The following ARHGEF3 variants were observed in gnomAD, a reference collection of about 807,000 sequenced individuals.
ARHGEF3 encodes 59.8 kDA protein.
In ARHGEF3, 28 loss-of-function variants were observed where a neutral mutation model predicts 63.2. The observed-to-expected ratio is 0.44, with a 90% confidence interval of 0.33 to 0.61. The LOEUF (loss-of-function observed/expected upper bound fraction) is 0.61, where lower values mean the gene tolerates loss of function less well. Among genes scored for constraint, ARHGEF3 ranks in the 20% least tolerant of loss-of-function variants. The pLI, the probability that ARHGEF3 is intolerant of heterozygous loss-of-function variation, is 0.03. For missense variants in ARHGEF3, 533 were observed against 659.3 expected (o/e 0.81, Z 2.10); for synonymous variants, 266 against 254.2 (o/e 1.05, Z -0.44).
At chr3:57,013,982 A>G (rs1702830841) in intron 2 of ARHGEF3, among the ~76,000 whole-genome samples, 1 of 152,162 alleles carries the variant, frequency 6.6e-6, no homozygotes, top group African/African-American at 2.4e-5. Flanking sequence ...CTTTGCAATA[A>G]ATCTTGCTGC....
At chr3:56,749,881 C>T (rs796650135) in intron 6 of ARHGEF3, among the ~76,000 whole-genome samples, 4 of 149,990 alleles carry the variant, frequency 2.7e-5, no homozygotes, top group African/African-American at 5.1e-5. Context: ...CATTGAGAAA[C>T]GTAAGTTAAA....
Position 57,068,652 on chromosome 3 carries a change from C to T in ARHGEF3, c.-28+10574G>A, listed in dbSNP as rs116926320. 5.8e-4 allele frequency among the ~76,000 whole-genome samples: 88 copies of T among 152,296 alleles called. 2 individuals carry two copies. In the East Asian group the frequency reaches 0.015, roughly 26 times the overall value. On this transcript the variant is annotated intron_variant, in intron 1 of 12. Transcript: ENST00000338458. Reference sequence around the variant, plus strand: ...GCTGGAGAGAAACAGTCCTCCCCACCCCCTTGGGAGATGTGTCATAGAGAT... The same window carrying T: ...GCTGGAGAGAAACAGTCCTCCCCACTCCCTTGGGAGATGTGTCATAGAGAT...
chr3:57,043,944 T>C (rs1217925658), intron 1 of ARHGEF3, among the ~76,000 whole-genome samples: 1 of 152,246 alleles, frequency 6.6e-6, no homozygotes, highest in Non-Finnish European at 1.5e-5. Flanking sequence ...TTATGGGAGA[T>C]TGCTGGGGCA....
At chr3:57,037,886 C>CAAAACAAAAT (rs1704027450) in intron 1 of ARHGEF3, among the ~76,000 whole-genome samples, 1 of 149,280 alleles carries the variant, frequency 6.7e-6, no homozygotes, top group South Asian at 2.1e-4. Context: ...AAAAACAAAA[C>CAAAACAAAAT]AAAACAAAAC....
At chr3:57,010,816 A>T (rs1364706615) in intron 2 of ARHGEF3, among the ~76,000 whole-genome samples, 1 of 152,206 alleles carries the variant, frequency 6.6e-6, no homozygotes, top group Non-Finnish European at 1.5e-5. Context: ...TGTTTTACAA[A>T]ATACACTTTA....
chr3:56,776,873 C>A (rs886148850), intron 1 of ARHGEF3, among the ~76,000 whole-genome samples: 7 of 152,066 alleles, frequency 4.6e-5, no homozygotes, highest in African/African-American at 1.7e-4. Flanking sequence ...GACACCACCC[C>A]CCACCACGTG....
At chr3:57,026,936 A>C (rs1703501951) in intron 2 of ARHGEF3, among the ~76,000 whole-genome samples, 1 of 152,224 alleles carries the variant, frequency 6.6e-6, no homozygotes, top group Non-Finnish European at 1.5e-5. Flanking sequence ...CATGCCCGAA[A>C]GAGTGATTAG....
At chr3:56,836,292 C>T (rs1023643555) in intron 4 of ARHGEF3, among the ~76,000 whole-genome samples, 35 of 152,194 alleles carry the variant, frequency 2.3e-4, no homozygotes, top group Admixed American at 2.2e-3. Flanking sequence ...AGGATTTCTT[C>T]ATACTTTCTT....
chr3:56,956,514 A>AC (rs1256829935), intron 3 of ARHGEF3, among the ~76,000 whole-genome samples: 1 of 152,168 alleles, frequency 6.6e-6, no homozygotes, highest in East Asian at 1.9e-4. Flanking sequence ...AGTTCTATAA[A>AC]CCAGAGTCGT....
chr3:56,984,163 C>T (rs1701445218), intron 2 of ARHGEF3, among the ~76,000 whole-genome samples: 1 of 152,170 alleles, frequency 6.6e-6, no homozygotes, highest in Non-Finnish European at 1.5e-5. Flanking sequence ...CACTGAGCTG[C>T]CATCCATGCA....
At position 56,755,070 on chromosome 3, in the gene ARHGEF3, T is replaced by C. The variant is rs2034985358; in HGVS notation, c.286A>G (p.Thr96Ala). Residue 96 changes from threonine (T) to alanine (A), a missense_variant, in exon 3 of 10, where the codon ACG becomes GCG. Physicochemically the swap from Thr to Ala is moderately conservative, Grantham distance 58 (BLOSUM62 0). This residue lies in a region of ARHGEF3 where 160 missense variants were observed against 157.3 expected (regional missense o/e 1.02). Transcript: ENST00000296315. ...CACAGCTTGCTATCTCTCCGTTTCG[T>C]GCTCGAGGGGGCGGCATTTCTGGAC... ...PWSRNAAPSS[T>A]KRRDSKLWSE... The C allele has an allele frequency of 1.9e-6, 3 of 1,614,104 alleles. No homozygotes were observed. The highest frequency in any genetic ancestry group is 2.2e-5 in the East Asian group (1 of 44,876).
intron 3 of ARHGEF3, among the ~76,000 whole-genome samples, chr3:56,896,449 T>C (rs1257800861): frequency 6.6e-6 from 1 of 152,234 alleles, no homozygotes; most frequent in Non-Finnish European, 1.5e-5. Context: ...AAACTTAACA[T>C]TGACAAAATG....
At position 56,859,790 on chromosome 3, in the gene ARHGEF3, G is replaced by A. The variant is rs189699127; in HGVS notation, c.192+22502C>T. ...TGACCTCAAGGGATCTGCCCACCTC[G>A]GTCTCCCAAAGTGCTGGGGTTACAG... is the stretch of plus-strand genomic sequence containing the variant. On this transcript the variant is annotated intron_variant, in intron 4 of 12. Transcript: ENST00000338458. Among the ~76,000 whole-genome samples the A allele has an allele frequency of 4.9e-3, 749 of 151,424 alleles. 9 individuals are homozygous for A. Among genetic ancestry groups the A allele is most frequent in the African/African-American group, 0.017 (713 of 41,218 alleles).
chr3:56,868,885 C>A (rs1374099118), intron 4 of ARHGEF3, among the ~76,000 whole-genome samples: 1 of 152,134 alleles, frequency 6.6e-6, no homozygotes, highest in African/African-American at 2.4e-5. Context: ...AGTTTAGCTT[C>A]TTTCAGTGGC....
rs552160937 is a variant in ARHGEF3, at chr3:56,998,549, C to A, written c.62+36539G>T. Among the ~76,000 whole-genome samples the A allele has an allele frequency of 1.4e-4, 21 of 152,230 alleles. 1 individual carries two copies. In the South Asian group the frequency reaches 4.4e-3, roughly 32 times the overall value. On this transcript the variant is annotated intron_variant, in intron 2 of 12. Coordinates refer to the ARHGEF3 transcript ENST00000338458. ...AATGGTGCTATGAGCTCCTTCATGA[C>A]CTCAGCAGTCATCTGGGGGTGCCAC...
At chr3:56,779,383 G>C (rs775333314) in intron 1 of ARHGEF3, among the ~76,000 whole-genome samples, 1 of 152,194 alleles carries the variant, frequency 6.6e-6, no homozygotes, top group Admixed American at 6.5e-5. Flanking sequence ...AGTTGTCAAA[G>C]CTAGGTGCAG....
At chr3:56,948,007 A>G (rs891949834) in intron 3 of ARHGEF3, among the ~76,000 whole-genome samples, 1 of 152,226 alleles carries the variant, frequency 6.6e-6, no homozygotes, top group East Asian at 1.9e-4. Flanking sequence ...TGGAAACTGA[A>G]CAACCTGCTC....
intron 3 of ARHGEF3, among the ~76,000 whole-genome samples, chr3:56,941,846 T>C (rs1301678320): frequency 6.6e-6 from 1 of 152,212 alleles, no homozygotes; most frequent in Admixed American, 6.5e-5. Context: ...TGTGCTTTTC[T>C]TTAGTTATGG....
At chr3:56,904,221 T>C (rs993894297) in intron 3 of ARHGEF3, among the ~76,000 whole-genome samples, 1 of 151,930 alleles carries the variant, frequency 6.6e-6, no homozygotes, top group African/African-American at 2.4e-5. Flanking sequence ...TTGGTAGAGA[T>C]GAGATTTGCC....
Sources: allele counts gnomAD v4.1 joint callset (sites outside exome capture counted in the v4.1 genomes callset), GRCh38; gene constraint gnomAD v4.1.1; regional missense constraint gnomAD v4.1.1; transcripts MANE v1.5; gene names NCBI Gene and HGNC (gene_info 2026-07-23, HGNC 2026-07-21).